Variants in CORO2B observed in about 807,000 individuals in gnomAD.
CORO2B encodes coronin-2B.
Under a neutral mutation model 58.8 loss-of-function variants are expected in CORO2B, and 26 were observed. The observed-to-expected ratio is 0.44, with a 90% CI of 0.32 to 0.61. The LOEUF is 0.61. CORO2B is among the 20% of genes least tolerant of loss of function. CORO2B has a pLI of 0.04. For synonymous variants in CORO2B, 242 were observed against 253.8 expected (o/e 0.95, Z 0.44); for missense variants, 460 against 645.1 (o/e 0.71, Z 3.11).
intron 2 of CORO2B, among the ~76,000 whole-genome samples, chr15:68,693,180 T>C (rs1892427096): frequency 6.6e-6 from 1 of 152,138 alleles, no homozygotes; most frequent in African/African-American, 2.4e-5. Flanking sequence ...CCACTACCAT[T>C]TTCTCCAGTC....
chr15:68,638,531 A>G (rs1901107883), intron 1 of CORO2B, among the ~76,000 whole-genome samples: 2 of 152,286 alleles, frequency 1.3e-5, no homozygotes, highest in Middle Eastern at 3.4e-3. Flanking sequence ...TGACTCCTAA[A>G]ACTCTTCCTG....
chr15:68,653,782 T>C (rs1247225541), intron 2 of CORO2B, among the ~76,000 whole-genome samples: 1 of 151,994 alleles, frequency 6.6e-6, no homozygotes, highest in Non-Finnish European at 1.5e-5. Context: ...AAAGCCTTCG[T>C]TCCCATTCCA....
rs113184541 is a variant in CORO2B at position 68,676,478 on chromosome 15, C to G, written c.217-18662C>G. 8.5e-3 allele frequency among the ~76,000 whole-genome samples: 1,296 copies of G among 152,286 alleles called. 20 individuals are homozygous for G. Among genetic ancestry groups the G allele is most frequent in the African/African-American group, 0.03 (1,248 of 41,548 alleles). On this transcript the variant is annotated intron_variant, in intron 2 of 11. Transcript: ENST00000261861. ...GTAAGGGGTCTGCAAGGATAACCACCGCTGCCTAAACCCGTCAAATGCCAG... is the reference window on the plus strand; with the variant it reads ...GTAAGGGGTCTGCAAGGATAACCACGGCTGCCTAAACCCGTCAAATGCCAG...
At chr15:68,657,244 C>T (rs1391572881) in intron 2 of CORO2B, among the ~76,000 whole-genome samples, 2 of 152,108 alleles carry the variant, frequency 1.3e-5, no homozygotes, top group African/African-American at 4.8e-5. Flanking sequence ...AGGCCAGGTA[C>T]AGTGGCTCAC....
At chr15:68,629,940 CA>C (rs1226130004) in intron 1 of CORO2B, among the ~76,000 whole-genome samples, 5 of 152,120 alleles carry the variant, frequency 3.3e-5, no homozygotes, top group Admixed American at 3.3e-4. Flanking sequence ...ACCAGGAATC[CA>C]AAAGGATAGG....
At chr15:68,569,198 A>G in the CORO2B span, among the ~76,000 whole-genome samples, 1 of 152,286 alleles carries the variant, frequency 6.6e-6, no homozygotes, top group South Asian at 2.1e-4. Context: ...TGTATATTCT[A>G]TGGGTTTTGA....
At chr15:68,643,901 G>T in intron 1 of CORO2B, among the ~76,000 whole-genome samples, 1 of 152,088 alleles carries the variant, frequency 6.6e-6, no homozygotes. Context: ...GCTGGGCGTG[G>T]TGGTGGGCCC....
At chr15:68,705,332 G>C (rs1892756889) in intron 3 of CORO2B, among the ~76,000 whole-genome samples, 1 of 151,650 alleles carries the variant, frequency 6.6e-6, no homozygotes, top group Non-Finnish European at 1.5e-5. Context: ...CAGTTACTCG[G>C]GAGGCTGAGG....
rs542491424 is a variant in CORO2B, at chr15:68,689,881, G to A, written c.217-5259G>A. Among the ~76,000 whole-genome samples, 19 of 152,358 alleles carry A rather than the reference G, an allele frequency of 1.2e-4. No homozygotes were observed. The South Asian group carries it at 3.9e-3, about 32-fold the overall frequency. ...ACAGCCTGTAGCACTGCAAAGTGAT[G>A]TGCTGGGGTTGGCTTGTGTTGGCTC... On this transcript the variant is annotated intron_variant, in intron 2 of 11. Coordinates refer to ENST00000261861, the MANE Select transcript of CORO2B (RefSeq NM_006091.5).
intron 1 of CORO2B, among the ~76,000 whole-genome samples, chr15:68,620,662 C>CT (rs1170318955): frequency 1.3e-5 from 2 of 152,268 alleles, no homozygotes; most frequent in African/African-American, 2.4e-5. Flanking sequence ...TCTCTCATTC[C>CT]TTTTTTTAAT....
In CORO2B at chr15:68,606,363, G is replaced by C. The variant is rs150285316; in HGVS notation, c.15+27086G>C. On this transcript the variant is annotated intron_variant, in intron 1 of 11. Transcript: ENST00000261861. ...CAGGCCAGTGAATCATGGCCTCTGG[G>C]CTGTGGTTGGGCATCAGCATTTATT... Among the ~76,000 whole-genome samples, 24 of 152,260 alleles carry C rather than the reference G, an allele frequency of 1.6e-4. No individual in the cohort carries two copies. In the East Asian group the frequency reaches 4.6e-3, roughly 29 times the overall value.
rs1901409623 is a variant in CORO2B at position 68,645,862 on chromosome 15, C to G, written c.216+502C>G. Among the ~76,000 whole-genome samples the G allele has an allele frequency of 6.6e-6, 1 of 152,116 alleles. No homozygotes were observed. The highest frequency in any genetic ancestry group is 1.5e-5 in the Non-Finnish European group (1 of 68,024). On this transcript the variant is annotated intron_variant, in intron 2 of 11. Transcript: ENST00000261861. The surrounding 1 kb of genome is among the most constrained non-coding windows in gnomAD (Gnocchi z 4.5). Reference sequence around the variant, plus strand: ...GATCTCGGCTCACTGCAACCTCTGCCTCCCAGGTTCAAGCGATTCTCCTGC... The same window carrying G: ...GATCTCGGCTCACTGCAACCTCTGCGTCCCAGGTTCAAGCGATTCTCCTGC...
intron 2 of CORO2B, among the ~76,000 whole-genome samples, chr15:68,678,843 C>A (rs960663081): frequency 2.0e-5 from 3 of 152,176 alleles, no homozygotes; most frequent in Non-Finnish European, 4.4e-5. Flanking sequence ...CTCCAGTGCT[C>A]AGATAGGGAA....
intron 8 of CORO2B, among the ~76,000 whole-genome samples, chr15:68,715,568 G>A (rs1013071724): frequency 1.3e-5 from 2 of 152,224 alleles, no homozygotes. Context: ...ACTCCTGATC[G>A]CAGATGGGGA....
At chr15:68,564,645 G>A in the CORO2B span, among the ~76,000 whole-genome samples, 4 of 152,238 alleles carry the variant, frequency 2.6e-5, no homozygotes, top group Admixed American at 2.6e-4. Flanking sequence ...TTCTGGTATA[G>A]TTTGTATCTT....
chr15:68,653,480 T>C (rs942786120), intron 2 of CORO2B, among the ~76,000 whole-genome samples: 1 of 151,644 alleles, frequency 6.6e-6, no homozygotes, highest in Non-Finnish European at 1.5e-5. Context: ...TGAGATGGGG[T>C]CTCTTCTTTG....
intron 11 of CORO2B, 117 bp downstream of exon 11, chr15:68,719,669 C>T: frequency 2.5e-6 from 3 of 1,192,150 alleles, no homozygotes; most frequent in Non-Finnish European, 3.5e-6. Context: ...CTTTCTGTGA[C>T]AAATGCCATA....
chr15:68,554,987 TG>T, the CORO2B span, among the ~76,000 whole-genome samples: 2 of 152,148 alleles, frequency 1.3e-5, no homozygotes, highest in Admixed American at 6.5e-5. Context: ...GATTGCACAG[TG>T]GTGGCTCTCC....
chr15:68,652,505 C>T (rs1901674345), intron 2 of CORO2B, among the ~76,000 whole-genome samples: 1 of 152,208 alleles, frequency 6.6e-6, no homozygotes, highest in Non-Finnish European at 1.5e-5. Context: ...ACAGAGCTAC[C>T]TGCTACCCCA....
Sources: gnomAD v4.1 joint callset for allele counts (sites outside exome capture counted in the v4.1 genomes callset) on GRCh38, gnomAD v4.1.1 for gene constraint, Gnocchi (gnomAD v3.1) non-coding constraint, MANE v1.5 for transcripts, NCBI Gene and HGNC (gene_info 2026-07-23, HGNC 2026-07-21) for gene names.